The following PSMB7 variants were observed in gnomAD, a reference collection of about 807,000 sequenced individuals.
The protein encoded by PSMB7 is proteasome 20S subunit beta 7.
Under a neutral mutation model 28.1 loss-of-function variants are expected in PSMB7, and 5 were observed. The observed-to-expected ratio is 0.18, with a 90% CI of 0.09 to 0.37. The LOEUF (loss-of-function observed/expected upper bound fraction) is 0.37. Among genes scored for constraint, PSMB7 ranks in the 10% least tolerant of loss-of-function variants. The pLI is 1.00. For synonymous variants in PSMB7, 122 were observed against 123.7 expected, an observed-to-expected ratio of 0.99 and a Z score of 0.09; for missense variants, 275 against 346.2, an observed-to-expected ratio of 0.79 and a Z score of 1.63.
At chr9:124,393,553 A>C (rs1228259523) in intron 5 of PSMB7, among the ~76,000 whole-genome samples, 1 of 152,252 alleles carries the variant, frequency 6.6e-6, no homozygotes, top group African/African-American at 2.4e-5. Context: ...TTTGTAAGGC[A>C]TCCAACAATT....
At chr9:124,367,220 G>A (rs1830517028) in intron 6 of PSMB7, among the ~76,000 whole-genome samples, 1 of 152,186 alleles carries the variant, frequency 6.6e-6, no homozygotes, top group African/African-American at 2.4e-5. Context: ...ATGGAAAGAT[G>A]TGGAGGGTGC....
chr9:124,374,275 AT>A (rs951460624), intron 6 of PSMB7, among the ~76,000 whole-genome samples: 4 of 152,282 alleles, frequency 2.6e-5, no homozygotes, highest in African/African-American at 9.6e-5. Context: ...TGGAGTTATT[AT>A]TTTTTTAAGG....
At chr9:124,410,122 G>A (rs1470145467) in intron 4 of PSMB7, among the ~76,000 whole-genome samples, 1 of 149,284 alleles carries the variant, frequency 6.7e-6, no homozygotes, top group African/African-American at 2.5e-5. Flanking sequence ...CCATTCTCCT[G>A]TAGCTAGGAC....
chr9:124,361,719 G>A (rs925322319), intron 6 of PSMB7, among the ~76,000 whole-genome samples: 4 of 152,314 alleles, frequency 2.6e-5, no homozygotes, highest in African/African-American at 9.6e-5. Flanking sequence ...AACTGTCACT[G>A]CAACATCATA....
chr9:124,384,592 A>C lies in PSMB7; in HGVS notation c.570+6T>G, dbSNP rs1830700762. 1 of 1,610,172 alleles carries C rather than the reference A, an allele frequency of 6.2e-7. No individual in the cohort carries two copies. Among genetic ancestry groups the C allele is most frequent in the Non-Finnish European group, 8.5e-7 (1 of 1,178,284 alleles). ...AAAAAGAATAAAACTGCAGGGACTT[A>C]CATACCTCCATGTCTGGCCTAAACT... On this transcript the variant is annotated splice_donor_region_variant and intron_variant, in intron 6 of 7. Transcript: ENST00000259457.
chr9:124,410,405 C>G (rs1831017258), intron 4 of PSMB7, among the ~76,000 whole-genome samples: 2 of 152,086 alleles, frequency 1.3e-5, no homozygotes, highest in Non-Finnish European at 2.9e-5. Flanking sequence ...ATCTTATTTG[C>G]AGCAATTTTA....
intron 5 of PSMB7, chr9:124,396,855 G>A (rs1013957444): frequency 1.9e-5 from 9 of 468,526 alleles, no homozygotes; most frequent in Non-Finnish European, 3.5e-5. Flanking sequence ...AAGCTGGCAA[G>A]TTCAAAGAAT....
chr9:124,358,065 C>T (rs1410791771), intron 6 of PSMB7, among the ~76,000 whole-genome samples: 4 of 152,198 alleles, frequency 2.6e-5, no homozygotes, highest in Non-Finnish European at 4.4e-5. Flanking sequence ...TGTGCTACGG[C>T]GCCTTCCCAG....
chr9:124,353,968 C>A (rs190671433), intron 7 of PSMB7, among the ~76,000 whole-genome samples: 2 of 152,312 alleles, frequency 1.3e-5, no homozygotes, highest in Admixed American at 6.5e-5. Context: ...ACTCTCCCCC[C>A]ACCCCACCAT....
intron 3 of PSMB7, among the ~76,000 whole-genome samples, chr9:124,413,291 T>C (rs994653406): frequency 2.7e-5 from 4 of 149,250 alleles, no homozygotes; most frequent in Non-Finnish European, 5.9e-5. Flanking sequence ...AACGGTAGAA[T>C]AGCTTGGAGA....
intron 4 of PSMB7, among the ~76,000 whole-genome samples, chr9:124,410,449 A>G (rs754509135): frequency 2.0e-5 from 3 of 152,160 alleles, no homozygotes; most frequent in Non-Finnish European, 2.9e-5. Flanking sequence ...ACATAGACAC[A>G]TCGTGTAGAA....
At chr9:124,376,148 C>CT (rs1361394469) in intron 6 of PSMB7, among the ~76,000 whole-genome samples, 1 of 4,716 alleles carries the variant, frequency 2.1e-4, no homozygotes, top group Non-Finnish European at 2.4e-3. Context: ...GATAGTCTTG[C>CT]TTATTTTTTT....
chr9:124,399,700 G>A (rs1830879871), intron 5 of PSMB7, among the ~76,000 whole-genome samples: 1 of 152,234 alleles, frequency 6.6e-6, no homozygotes, highest in Non-Finnish European at 1.5e-5. Context: ...AGGAACGCCA[G>A]GAGAGAATGA....
intron 6 of PSMB7, among the ~76,000 whole-genome samples, chr9:124,378,875 T>G (rs1475404913): frequency 6.6e-6 from 1 of 152,222 alleles, no homozygotes; most frequent in African/African-American, 2.4e-5. Context: ...TATTTTTAAC[T>G]GGAAAATGGA....
intron 5 of PSMB7, among the ~76,000 whole-genome samples, chr9:124,398,104 T>C (rs1332585767): frequency 2.0e-5 from 3 of 149,676 alleles, no homozygotes; most frequent in Non-Finnish European, 3.0e-5. Flanking sequence ...ACCCAGGAGG[T>C]GGAGGCTGCA....
intron 5 of PSMB7, among the ~76,000 whole-genome samples, chr9:124,398,029 G>A (rs549692169): frequency 8.5e-5 from 13 of 152,164 alleles, no homozygotes; most frequent in South Asian, 4.2e-4. Context: ...TTAGCAGGGC[G>A]TGGCTAATTA....
intron 5 of PSMB7, among the ~76,000 whole-genome samples, chr9:124,395,031 G>C (rs1417271820): frequency 6.6e-6 from 1 of 152,154 alleles, no homozygotes; most frequent in African/African-American, 2.4e-5. Context: ...AAAATGTATT[G>C]ACACTAAAAC....
chr9:124,396,644 T>G (rs1830846233), intron 5 of PSMB7: 1 of 407,732 alleles, frequency 2.5e-6, no homozygotes, highest in East Asian at 7.2e-5. Flanking sequence ...TAAGTCAGTA[T>G]TCCTAAATTG....
At chr9:124,412,573 C>T (rs1185309012) in intron 3 of PSMB7, 81 bp from the exon 4 acceptor site, 2 of 1,460,100 alleles carry the variant, frequency 1.4e-6, no homozygotes, top group Non-Finnish European at 1.9e-6. Context: ...TGGATAACTT[C>T]CATGAAGTTC....
Sources: allele counts gnomAD v4.1 joint callset (sites outside exome capture counted in the v4.1 genomes callset), GRCh38; gene constraint gnomAD v4.1.1; transcripts MANE v1.5; gene names NCBI Gene and HGNC (gene_info 2026-07-23, HGNC 2026-07-21).